Variants in NEK6 observed in about 807,000 individuals in gnomAD.
The protein encoded by NEK6 is NIMA related kinase 6, also known as serine/threonine-protein kinase Nek6.
NEK6 carries 27 observed loss-of-function variants against 43.5 expected under a neutral mutation model. That is an observed-to-expected ratio of 0.62 (90% CI 0.46 to 0.86). NEK6 has a LOEUF of 0.86. Ranked by LOEUF, NEK6 falls within the 40% of genes least tolerant of loss-of-function variation. The probability of loss-of-function intolerance (pLI) is 0.00; values close to 1 mark genes in which losing one functional copy is unlikely to be tolerated. For missense variants in NEK6, 318 were observed against 414.4 expected (o/e 0.77, Z 2.02); for synonymous variants, 167 against 164.1 (o/e 1.02, Z -0.14).
chr9:124,304,293 G>A lies in NEK6; in HGVS notation c.90+2239G>A, dbSNP rs528922861. Among the ~76,000 whole-genome samples, 9 of 152,322 alleles carry A rather than the reference G, an allele frequency of 5.9e-5. No individual in the cohort carries two copies. The South Asian group carries it at 1.9e-3, about 32-fold the overall frequency. ...ACATAGAAGCACCTGGAATTAATGGGCCAGGCATTTTCCTTGATAGCAGGA... is the reference window on the plus strand; with the variant it reads ...ACATAGAAGCACCTGGAATTAATGGACCAGGCATTTTCCTTGATAGCAGGA... On this transcript the variant is annotated intron_variant, in intron 2 of 9. Transcript: ENST00000320246.
chr9:124,291,122 C>T (rs929955701), intron 1 of NEK6, among the ~76,000 whole-genome samples: 5 of 152,196 alleles, frequency 3.3e-5, no homozygotes, highest in Admixed American at 1.3e-4. Flanking sequence ...TCTTTCAACT[C>T]GTGCAATGTC....
intron 5 of NEK6, among the ~76,000 whole-genome samples, chr9:124,325,916 G>T (rs1329494482): frequency 6.6e-6 from 1 of 152,244 alleles, no homozygotes; most frequent in Non-Finnish European, 1.5e-5. Context: ...TCCTGGGCCA[G>T]GCTGGGGCTG....
In NEK6 at chr9:124,260,857, G is replaced by C. The variant is rs536301338; in HGVS notation, c.-30+2772G>C. Among the ~76,000 whole-genome samples the C allele has an allele frequency of 2.6e-5, 4 of 152,350 alleles. No individual in the cohort carries two copies. The South Asian group carries it at 8.3e-4, about 32-fold the overall frequency. On this transcript the variant is annotated intron_variant, in intron 1 of 9. Transcript: ENST00000320246. ...TGAGAGAATGCGCCAAAGACCATGT[G>C]CTAATACGCAGCAGAGCTGGATTTG...
chr9:124,267,078 AC>A (rs1448034814), intron 1 of NEK6, among the ~76,000 whole-genome samples: 3 of 152,234 alleles, frequency 2.0e-5, no homozygotes, highest in Non-Finnish European at 4.4e-5. Context: ...CCAAGCACAC[AC>A]TTTGTTTAGA....
chr9:124,281,973 C>T (rs1458587108), intron 1 of NEK6, among the ~76,000 whole-genome samples: 1 of 152,202 alleles, frequency 6.6e-6, no homozygotes, highest in Non-Finnish European at 1.5e-5. Flanking sequence ...AGAAGTGGAG[C>T]CCGGGGCAGA....
At chr9:124,341,130 C>T (rs1326355511) in intron 8 of NEK6, among the ~76,000 whole-genome samples, 1 of 152,144 alleles carries the variant, frequency 6.6e-6, no homozygotes, top group African/African-American at 2.4e-5. Context: ...GCGGCCTCCA[C>T]CTCCCAGGTT....
chr9:124,268,105 A>T lies in NEK6; in HGVS notation c.-30+10020A>T, dbSNP rs1266710742. 2.6e-5 allele frequency among the ~76,000 whole-genome samples: 4 copies of T among 152,310 alleles called. No homozygotes were observed. In the East Asian group the frequency reaches 7.7e-4, roughly 29 times the overall value. On this transcript the variant is annotated intron_variant, in intron 1 of 9. Coordinates refer to ENST00000320246, the MANE Select transcript of NEK6 (RefSeq NM_014397.6). Reference sequence around the variant, plus strand: ...CCCAGTCCTGAAAATTTCAGGACATATGGTCACTGTGATGTGCTAATGTTA... The same window carrying T: ...CCCAGTCCTGAAAATTTCAGGACATTTGGTCACTGTGATGTGCTAATGTTA...
intron 1 of NEK6, among the ~76,000 whole-genome samples, chr9:124,285,430 GT>G (rs1171626550): frequency 6.6e-6 from 1 of 152,164 alleles, no homozygotes; most frequent in Non-Finnish European, 1.5e-5. Flanking sequence ...ATCAGAGTGG[GT>G]TCGTCTGTTC....
chr9:124,349,287 T>A (rs1173495009), intron 9 of NEK6, among the ~76,000 whole-genome samples: 2 of 152,274 alleles, frequency 1.3e-5, no homozygotes, highest in Non-Finnish European at 2.9e-5. Context: ...TTTGCTTTTT[T>A]CCTTTCTCAT....
At chr9:124,273,640 G>A (rs1831536098) in intron 1 of NEK6, among the ~76,000 whole-genome samples, 1 of 152,152 alleles carries the variant, frequency 6.6e-6, no homozygotes, top group Admixed American at 6.5e-5. Flanking sequence ...GTCCTTAAAC[G>A]GCAAAGAAAC....
chr9:124,307,557 C>T (rs1235179765), intron 2 of NEK6, among the ~76,000 whole-genome samples: 3 of 152,186 alleles, frequency 2.0e-5, no homozygotes, highest in South Asian at 2.1e-4. Flanking sequence ...GGCAGCACAG[C>T]GAGTGGTGAC....
intron 2 of NEK6, 73 bp from the exon 3 acceptor site, chr9:124,312,436 G>C: frequency 1.3e-6 from 2 of 1,501,130 alleles, no homozygotes; most frequent in Non-Finnish European, 1.8e-6. Flanking sequence ...TGGGGTGCTG[G>C]GCCTCTAGGG....
intron 5 of NEK6, among the ~76,000 whole-genome samples, chr9:124,325,087 A>G (rs1192084264): frequency 6.6e-6 from 1 of 152,050 alleles, no homozygotes; most frequent in African/African-American, 2.4e-5. Flanking sequence ...AGGCAGGAGA[A>G]TTGCTTGAAC....
At chr9:124,292,408 C>T in intron 1 of NEK6, 1 of 1,532,238 alleles carries the variant, frequency 6.5e-7, no homozygotes, top group South Asian at 1.2e-5. Flanking sequence ...GCAATTCTTT[C>T]TCTAGGGTGG....
intron 1 of NEK6, among the ~76,000 whole-genome samples, chr9:124,277,363 T>C (rs947184195): frequency 6.6e-6 from 1 of 152,218 alleles, no homozygotes; most frequent in African/African-American, 2.4e-5. Flanking sequence ...GGAGAATCTC[T>C]TGAACATGGG....
chr9:124,312,508 G>C lies in NEK6; in HGVS notation c.91-1G>C. 6.2e-7 allele frequency: 1 copy of C among 1,613,328 alleles called. No individual in the cohort carries two copies. Among genetic ancestry groups the C allele is most frequent in the East Asian group, 2.2e-5 (1 of 44,860 alleles). On this transcript the variant is annotated splice_acceptor_variant, in intron 2 of 9. Coordinates refer to ENST00000320246, the MANE Select transcript of NEK6 (RefSeq NM_014397.6). LOFTEE classifies it high-confidence loss of function. ...CGGAGGCCCTCTGTCCCCCGTTCCAGAGGCATCCCAACACGCTGTCTTTTC... is the reference window on the plus strand; with the variant it reads ...CGGAGGCCCTCTGTCCCCCGTTCCACAGGCATCCCAACACGCTGTCTTTTC...
intron 4 of NEK6, among the ~76,000 whole-genome samples, chr9:124,316,749 G>A (rs1833833791): frequency 6.6e-6 from 1 of 152,216 alleles, no homozygotes; most frequent in African/African-American, 2.4e-5. Context: ...CTGTGCCTGT[G>A]TAGACTGCCT....
At chr9:124,319,186 T>C (rs150420451) in intron 4 of NEK6, among the ~76,000 whole-genome samples, 2,978 of 152,034 alleles carry the variant, frequency 0.02, 44 homozygotes, top group Middle Eastern at 0.041. Flanking sequence ...GGTTTTGCCA[T>C]GTTGGCCAGG....
At chr9:124,301,894 G>T in intron 1 of NEK6, 42 bp from the exon 2 acceptor site, 2 of 1,465,160 alleles carry the variant, frequency 1.4e-6, no homozygotes, top group Non-Finnish European at 1.9e-6. Context: ...CCTTCTGAGG[G>T]TCTCAAAGAG....
Sources: gnomAD v4.1 joint callset for allele counts (sites outside exome capture counted in the v4.1 genomes callset) on GRCh38, gnomAD v4.1.1 for gene constraint, MANE v1.5 for transcripts, NCBI Gene and HGNC (gene_info 2026-07-23, HGNC 2026-07-21) for gene names.